PRR5L: variants seen among roughly 807,000 people sequenced by gnomAD.
PRR5L encodes the protein proline rich 5 like.
A neutral mutation model predicts 36.4 loss-of-function variants in PRR5L; 21 were observed. The ratio of observed to expected loss-of-function variants is 0.58; its 90% CI spans 0.41 to 0.83. The LOEUF (loss-of-function observed/expected upper bound fraction) is 0.83, where lower values mean the gene tolerates loss of function less well. PRR5L is among the 40% of genes least tolerant of loss of function. The pLI is 0.00. For missense variants in PRR5L, 381 were observed against 473.3 expected, an observed-to-expected ratio of 0.80 and a Z score of 1.81; for synonymous variants, 188 against 197.0, an observed-to-expected ratio of 0.95 and a Z score of 0.38.
chr11:36,367,975 A>G (rs965770669), intron 1 of PRR5L, among the ~76,000 whole-genome samples: 1 of 151,916 alleles, frequency 6.6e-6, no homozygotes. Flanking sequence ...TGGGAGCCAA[A>G]GTACTAGAGA....
intron 7 of PRR5L, among the ~76,000 whole-genome samples, chr11:36,450,336 GTTTC>G (rs912366296): frequency 6.6e-6 from 1 of 152,200 alleles, no homozygotes; most frequent in Non-Finnish European, 1.5e-5. Context: ...ATGGAGATTT[GTTTC>G]TTTCCTGGCC....
chr11:36,354,397 C>A (rs567321580), intron 1 of PRR5L, among the ~76,000 whole-genome samples: 9 of 152,208 alleles, frequency 5.9e-5, no homozygotes, highest in African/African-American at 2.2e-4. Context: ...GCCTTTGGGG[C>A]AGTTATTTTA....
intron 1 of PRR5L, among the ~76,000 whole-genome samples, chr11:36,334,112 T>C (rs970082329): frequency 3.3e-5 from 5 of 152,264 alleles, no homozygotes; most frequent in Middle Eastern, 3.4e-3. Flanking sequence ...CCCCTCCCAC[T>C]TGGCAATTCT....
intron 4 of PRR5L, 124 bp from the exon 5 acceptor site, chr11:36,431,729 C>T (rs528446105): frequency 8.6e-5 from 70 of 818,544 alleles, no homozygotes; most frequent in South Asian, 8.2e-4. Flanking sequence ...TCTTAAACTC[C>T]GAGGCACGGC....
chr11:36,429,844 A>G (rs1343184228), intron 4 of PRR5L, among the ~76,000 whole-genome samples: 1 of 152,160 alleles, frequency 6.6e-6, no homozygotes, highest in East Asian at 1.9e-4. Flanking sequence ...ACACACCTCC[A>G]CAGACCACTC....
At chr11:36,391,378 A>C (rs1453540583) in intron 1 of PRR5L, among the ~76,000 whole-genome samples, 1 of 152,114 alleles carries the variant, frequency 6.6e-6, no homozygotes, top group Non-Finnish European at 1.5e-5. Flanking sequence ...CTGTGAGGAG[A>C]AAGTGAGATG....
intron 1 of PRR5L, among the ~76,000 whole-genome samples, chr11:36,353,979 A>G (rs535468922): frequency 1.3e-5 from 2 of 152,194 alleles, no homozygotes; most frequent in Non-Finnish European, 2.9e-5. Flanking sequence ...AAGCCAGAGG[A>G]GACAAAGAAT....
chr11:36,412,192 A>G (rs12224636), intron 3 of PRR5L, among the ~76,000 whole-genome samples: 19,620 of 152,114 alleles, frequency 0.13, 1,364 homozygotes, highest in African/African-American at 0.17. Flanking sequence ...GATCTCAACA[A>G]GACACTTGTT....
chr11:36,438,863 C>T (rs543770173), intron 6 of PRR5L, among the ~76,000 whole-genome samples: 217 of 152,066 alleles, frequency 1.4e-3, no homozygotes, highest in African/African-American at 4.6e-3. Context: ...TGAGCCCAGA[C>T]GATTGAAGCT....
At chr11:36,338,152 A>T (rs889793865) in intron 1 of PRR5L, among the ~76,000 whole-genome samples, 1 of 152,234 alleles carries the variant, frequency 6.6e-6, no homozygotes, top group African/African-American at 2.4e-5. Flanking sequence ...TTAAAAAGGA[A>T]GAAGGGGAGA....
In PRR5L at chr11:36,462,503, G is replaced by A. The variant is rs1347349676; in HGVS notation, c.874G>A (p.Val292Met). 5 of 1,608,842 alleles carry A rather than the reference G, an allele frequency of 3.1e-6. No homozygotes were observed. In the Admixed American group the frequency reaches 8.4e-5, roughly 27 times the overall value. ...GTGTGGCAGCGTGCGGCGGCACACGGTGGCCAATGCCCACTCGGACATCCA... is the reference window on the plus strand; with the variant it reads ...GTGTGGCAGCGTGCGGCGGCACACGATGGCCAATGCCCACTCGGACATCCA... ...EKCGSVRRHTVANAHSDIQLL... is the reference protein window; with the variant it reads ...EKCGSVRRHTMANAHSDIQLL... The change falls in exon 9 of 9, where the codon GTG (valine) becomes ATG (methionine). Residue 292 changes from valine to methionine, a missense_variant. Val to Met is a conservative substitution (Grantham distance 21, BLOSUM62 1). Coordinates refer to ENST00000530639, the MANE Select transcript of PRR5L (RefSeq NM_001160167.2).
rs149414393 is a variant in PRR5L at position 36,356,131 on chromosome 11, C to T, written c.-125-44866C>T. 1.6e-3 allele frequency among the ~76,000 whole-genome samples: 248 copies of T among 151,772 alleles called. 1 individual carries two copies. The highest frequency in any genetic ancestry group is 5.8e-3 in the African/African-American group (240 of 41,450). The stretch of plus-strand genomic sequence containing the variant: ...TTCACCATGTTGCCTGGGCTGGTCT[C>T]GACCTCCTGAGCTCAATTGATCTGC... On this transcript the variant is annotated intron_variant, in intron 1 of 8. Transcript: ENST00000530639.
intron 1 of PRR5L, among the ~76,000 whole-genome samples, chr11:36,333,875 T>C (rs1281603748): frequency 2.0e-5 from 3 of 152,168 alleles, no homozygotes; most frequent in African/African-American, 7.2e-5. Flanking sequence ...GTTTATTGTA[T>C]ATAAAAAGTG....
chr11:36,376,391 G>C (rs1369738820), intron 1 of PRR5L: 4 of 1,161,882 alleles, frequency 3.4e-6, no homozygotes, highest in Non-Finnish European at 3.2e-6. Context: ...CGTAAGATGA[G>C]AGAGGAGGGA....
chr11:36,339,101 A>G (rs1856795252), intron 1 of PRR5L, among the ~76,000 whole-genome samples: 1 of 152,164 alleles, frequency 6.6e-6, no homozygotes. Context: ...TGCAAGTCCA[A>G]TTAAACCTCT....
intron 7 of PRR5L, 125 bp from the exon 8 acceptor site, chr11:36,451,084 G>T (rs2133624521): frequency 1.7e-6 from 2 of 1,182,814 alleles, no homozygotes; most frequent in South Asian, 2.9e-5. Context: ...TAACTGCAAG[G>T]ATGCTGCCTG....
At chr11:36,335,999 G>A (rs1856765245) in intron 1 of PRR5L, among the ~76,000 whole-genome samples, 1 of 152,114 alleles carries the variant, frequency 6.6e-6, no homozygotes, top group Admixed American at 6.5e-5. Context: ...AACGGGAGGA[G>A]GCAGGCAGAA....
intron 1 of PRR5L, among the ~76,000 whole-genome samples, chr11:36,355,578 C>G (rs1236871409): frequency 7.2e-6 from 1 of 138,394 alleles, no homozygotes; most frequent in Non-Finnish European, 1.5e-5. Context: ...GAGACAGAGT[C>G]TTGCTCTGTC....
chr11:36,461,290 AG>A (rs1859172970), intron 8 of PRR5L, among the ~76,000 whole-genome samples: 1 of 152,148 alleles, frequency 6.6e-6, no homozygotes, highest in Non-Finnish European at 1.5e-5. Flanking sequence ...TAAAATGTCT[AG>A]GTTTAGCACA....
Sources: gnomAD v4.1 joint callset for allele counts (sites outside exome capture counted in the v4.1 genomes callset) on GRCh38, gnomAD v4.1.1 for gene constraint, MANE v1.5 for transcripts, NCBI Gene and HGNC (gene_info 2026-07-23, HGNC 2026-07-21) for gene names.